Variants in BTD observed in about 807,000 individuals in gnomAD.
BTD encodes the protein biocytinase.
A neutral mutation model predicts 17.7 loss-of-function variants in BTD; 13 were observed. The observed-to-expected ratio is 0.74, with a 90% CI of 0.48 to 1.17. The LOEUF (loss-of-function observed/expected upper bound fraction) is 1.17, where lower values mean the gene tolerates loss of function less well. BTD is among the 50% of genes most tolerant of loss of function. The probability of loss-of-function intolerance (pLI) is 0.00; values close to 1 mark genes in which losing one functional copy is unlikely to be tolerated. For synonymous variants in BTD, 240 were observed against 245.2 expected (o/e 0.98, Z 0.20); for missense variants, 674 against 650.4 (o/e 1.04, Z -0.39).
intron 1 of BTD, among the ~76,000 whole-genome samples, chr3:15,607,291 TCATAA>T (rs1206665186): frequency 6.6e-6 from 1 of 152,244 alleles, no homozygotes; most frequent in Admixed American, 6.5e-5. Context: ...GCTAAAATAC[TCATAA>T]CATGCTCTCC....
Position 15,694,589 on chromosome 3 carries a change from G to A in BTD, c.400-15471G>A, listed in dbSNP as rs1414881142. 8.4e-6 allele frequency: 4 copies of A among 476,358 alleles called. No individual in the cohort carries two copies. The Admixed American group carries it at 1.2e-4, about 15-fold the overall frequency. The allele number at this position is 476,358 out of a possible 1,614,324, so 29.5% of individuals were successfully genotyped here. The stretch of plus-strand genomic sequence containing the variant: ...AACCCAGCACATTAAGTAATTCTCT[G>A]AATTAAAGAAAGTTCTCAAAGTTTT... On this transcript the variant is annotated intron_variant, in intron 3 of 3. Coordinates refer to the BTD transcript ENST00000672141.
At chr3:15,613,327 C>A (rs1311758925) in intron 1 of BTD, among the ~76,000 whole-genome samples, 1 of 152,166 alleles carries the variant, frequency 6.6e-6, no homozygotes, top group Non-Finnish European at 1.5e-5. Context: ...CTTTTCAATT[C>A]TGTATTTCCA....
At chr3:15,690,313 ATAT>A (rs1386843585) in intron 3 of BTD, 2 of 1,049,080 alleles carry the variant, frequency 1.9e-6, no homozygotes, top group Non-Finnish European at 2.7e-6. Flanking sequence ...ACTTGTCTTC[ATAT>A]TATTATCCTA....
chr3:15,637,935 C>G (rs2065395203), intron 2 of BTD, among the ~76,000 whole-genome samples: 1 of 152,314 alleles, frequency 6.6e-6, no homozygotes, highest in East Asian at 1.9e-4. Context: ...TATTTGTTTT[C>G]CAGGGGCCAG....
chr3:15,666,204 GAATAA>G lies in BTD; in HGVS notation c.399+24151_399+24155del, dbSNP rs138218136. ...TGTTTCTCCTAAAAATAATCTAGGA[GAATAA>G]AATGAGGGGAACTTACATAATTTAG... On this transcript the variant is annotated intron_variant, in intron 3 of 3. Coordinates refer to the BTD transcript ENST00000672141. Among the ~76,000 whole-genome samples, 457 of 152,288 alleles carry G rather than the reference GAATAA, an allele frequency of 3.0e-3. 1 individual carries two copies. The highest frequency in any genetic ancestry group is 0.011 in the African/African-American group (440 of 41,560).
At position 15,652,313 on chromosome 3, in the gene BTD, G is replaced by A. The variant is rs1248453777; in HGVS notation, c.*6825G>A. 2.0e-5 allele frequency among the ~76,000 whole-genome samples: 3 copies of A among 152,012 alleles called. No homozygotes were observed. Among genetic ancestry groups the A allele is most frequent in the Admixed American group, 1.3e-4 (2 of 15,256 alleles). ...TGCACTCCAGTCTGGGCAACAGAGC[G>A]ACACTCCGTCTCCAAAAAAAAAAGA... On this transcript the variant is annotated 3_prime_UTR_variant, in exon 4 of 4. Coordinates refer to ENST00000643237, the MANE Select transcript of BTD (RefSeq NM_001370658.1).
intron 1 of BTD, among the ~76,000 whole-genome samples, chr3:15,611,813 T>C (rs1210054366): frequency 2.0e-5 from 3 of 151,986 alleles, no homozygotes; most frequent in Non-Finnish European, 4.4e-5. Context: ...GTATTTTTTT[T>C]CTAGGAAACT....
rs149326239 is a variant in BTD at position 15,636,105 on chromosome 3, A to G, written c.249+417A>G. Among the ~76,000 whole-genome samples the G allele has an allele frequency of 8.5e-5, 13 of 152,296 alleles. No individual in the cohort carries two copies. In the East Asian group the frequency reaches 2.3e-3, roughly 27 times the overall value. ...GAGAGTCCGTTGTAATTGGTGTGGAAGGGGTGTGGACTGGCACTGGGATTG... is the reference window on the plus strand; with the variant it reads ...GAGAGTCCGTTGTAATTGGTGTGGAGGGGGTGTGGACTGGCACTGGGATTG... On this transcript the variant is annotated intron_variant, in intron 2 of 3. Coordinates refer to ENST00000643237, the MANE Select transcript of BTD (RefSeq NM_001370658.1).
downstream of BTD, chr3:15,713,636 C>T (rs778096125): frequency 1.3e-6 from 2 of 1,596,634 alleles, no homozygotes; most frequent in African/African-American, 1.3e-5. Context: ...CAGTCGATTA[C>T]AGCTCCTGCA....
In BTD at chr3:15,645,395, C is replaced by G. The variant is rs1247339992; in HGVS notation, c.1479C>G (p.Gly493=). Residue 493 remains glycine, a synonymous_variant, in exon 4 of 4, where the codon GGC becomes GGG. Transcript: ENST00000643237. ...GMTLEVPDQL[G]WENDHYFLRK... is the part of the protein sequence containing the mutation. ...CCCTAGAAGTCCCTGACCAGCTTGGCTGGGAGAATGACCACTATTTCCTGA... is the reference window on the plus strand; with the variant it reads ...CCCTAGAAGTCCCTGACCAGCTTGGGTGGGAGAATGACCACTATTTCCTGA... 1.9e-6 allele frequency: 3 copies of G among 1,614,144 alleles called. No individual in the cohort carries two copies. Among genetic ancestry groups the G allele is most frequent in the Non-Finnish European group, 1.7e-6 (2 of 1,180,036 alleles).
downstream of BTD, among the ~76,000 whole-genome samples, chr3:15,657,842 A>T (rs1274258637): frequency 6.6e-6 from 1 of 151,344 alleles, no homozygotes; most frequent in Non-Finnish European, 1.5e-5. Flanking sequence ...AAAAAAGAGT[A>T]CCAGAAACCC....
At chr3:15,675,064 G>A (rs2066793072) in intron 3 of BTD, among the ~76,000 whole-genome samples, 1 of 152,168 alleles carries the variant, frequency 6.6e-6, no homozygotes, top group African/African-American at 2.4e-5. Context: ...GAGGTCAGGG[G>A]TTTGAGACCA....
chr3:15,641,428 G>C (rs1159415976), intron 2 of BTD, among the ~76,000 whole-genome samples: 1 of 152,128 alleles, frequency 6.6e-6, no homozygotes, highest in Non-Finnish European at 1.5e-5. Flanking sequence ...GGTGGTCCCG[G>C]CATCAGTGGT....
chr3:15,658,947 C>A (rs994067519), intron 3 of BTD, among the ~76,000 whole-genome samples: 4 of 152,256 alleles, frequency 2.6e-5, no homozygotes, highest in Middle Eastern at 3.4e-3. Flanking sequence ...CCTCAAAAGT[C>A]CACAAATTTG....
At position 15,645,937 on chromosome 3, in the gene BTD, A is replaced by G. The variant is rs1263234459; in HGVS notation, c.*449A>G. ...CCTGAGGTAAGAAACAAGCTCTCAA[A>G]GCAAAAGCTCAATTAGAAATGGCCC... On this transcript the variant is annotated 3_prime_UTR_variant, in exon 4 of 4. Transcript: ENST00000643237. The G allele has an allele frequency of 6.4e-6, 1 of 156,424 alleles. No homozygotes were observed. The highest frequency in any genetic ancestry group is 1.4e-5 in the Non-Finnish European group (1 of 71,110). The allele number at this position is 156,424 out of a possible 1,614,324, so 9.7% of individuals were successfully genotyped here. A position where few individuals can be genotyped will look rare whatever the true frequency, so the allele number is the denominator to read the frequency against.
At chr3:15,711,208 T>G in exon 4 of BTD, 1 of 1,609,630 alleles carries the variant, frequency 6.2e-7, no homozygotes, top group Non-Finnish European at 8.5e-7. Context: ...ACTATTAACA[T>G]ACCCTCCAGC....
chr3:15,601,766 A>T lies in BTD; in HGVS notation c.-145A>T. ...TAGCAGGAGATTGCTGCCTATGCAA[A>T]GCAGGTAAGAAGCCGAACTCTGAGG... On this transcript the variant is annotated 5_prime_UTR_variant, in exon 1 of 4. It adds an upstream start codon to the 5' untranslated region. Transcript: ENST00000643237. The T allele has an allele frequency of 1.2e-6, 2 of 1,608,060 alleles. No individual in the cohort carries two copies. Among genetic ancestry groups the T allele is most frequent in the Non-Finnish European group, 1.7e-6 (2 of 1,177,044 alleles).
chr3:15,670,836 G>GA (rs1402070566), intron 3 of BTD, among the ~76,000 whole-genome samples: 2 of 152,188 alleles, frequency 1.3e-5, no homozygotes, highest in Non-Finnish European at 2.9e-5. Context: ...GTATCCATCT[G>GA]AATTCACAGA....
At chr3:15,655,064 C>T (rs983307485), downstream of BTD, among the ~76,000 whole-genome samples, 40 of 152,168 alleles carry the variant, frequency 2.6e-4, no homozygotes, top group African/African-American at 9.4e-4. Context: ...TCAGACACGT[C>T]AAAGCCACAG....
Sources: allele counts gnomAD v4.1 joint callset (sites outside exome capture counted in the v4.1 genomes callset), GRCh38; gene constraint gnomAD v4.1.1; transcripts MANE v1.5; gene names NCBI Gene and HGNC (gene_info 2026-07-23, HGNC 2026-07-21).